The following NUP62CL variants were observed in gnomAD, a reference collection of about 807,000 sequenced individuals.
NUP62CL encodes the protein nucleoporin-62 C-terminal-like protein.
A neutral mutation model predicts 15.3 loss-of-function variants in NUP62CL; 13 were observed. The observed-to-expected ratio is 0.85, with a 90% CI of 0.55 to 1.35. NUP62CL has a LOEUF of 1.35. Ranked by LOEUF, NUP62CL falls within the 40% of genes most tolerant of loss-of-function variation. The pLI is 0.00. For synonymous variants in NUP62CL, 54 were observed against 49.2 expected (o/e 1.10, Z -0.41); for missense variants, 123 against 130.6 (o/e 0.94, Z 0.28).
chrX:107,203,615 CAG>C (rs1927538366), intron 1 of NUP62CL, among the ~76,000 whole-genome samples: 4 of 111,160 alleles, frequency 3.6e-5, no homozygotes, highest in Admixed American at 2.9e-4. Flanking sequence ...AAGTAAATTA[CAG>C]CCAACTCACT....
intron 4 of NUP62CL, among the ~76,000 whole-genome samples, chrX:107,156,376 C>T (rs1225757284): frequency 2.0e-5 from 2 of 101,256 alleles, no homozygotes; most frequent in African/African-American, 3.7e-5. Flanking sequence ...ACTTAAATGT[C>T]CCTGTCTGAC....
intron 1 of NUP62CL, among the ~76,000 whole-genome samples, chrX:107,200,963 A>G: frequency 9.0e-6 from 1 of 111,564 alleles, no homozygotes; most frequent in Non-Finnish European, 1.9e-5. Context: ...AATGATAATC[A>G]TAAAAACCTT....
chrX:107,197,193 AT>A (rs1201354625), intron 1 of NUP62CL, among the ~76,000 whole-genome samples: 1 of 111,110 alleles, frequency 9.0e-6, no homozygotes, highest in African/African-American at 3.3e-5. Flanking sequence ...TATTCTCTTA[AT>A]TTTTCCCAGG....
chrX:107,200,689 G>A (rs1927462744), intron 1 of NUP62CL, among the ~76,000 whole-genome samples: 1 of 108,612 alleles, frequency 9.2e-6, no homozygotes, highest in African/African-American at 3.4e-5. Context: ...GGATGGCAGA[G>A]TGTATGTGTG....
chrX:107,133,335 C>CT (rs560078535), intron 8 of NUP62CL, among the ~76,000 whole-genome samples: 2,490 of 104,734 alleles, frequency 0.024, 97 homozygotes, highest in African/African-American at 0.081. Context: ...AGATCGATAA[C>CT]TTTTTTTTTT....
At chrX:107,148,753 T>G (rs893150875) in intron 7 of NUP62CL, among the ~76,000 whole-genome samples, 4 of 110,895 alleles carry the variant, frequency 3.6e-5, no homozygotes, top group African/African-American at 1.3e-4. Context: ...AATAAAACTT[T>G]TAGACATTAG....
At chrX:107,162,694 C>T (rs767280609) in intron 4 of NUP62CL, among the ~76,000 whole-genome samples, 1 of 111,873 alleles carries the variant, frequency 8.9e-6, no homozygotes, top group African/African-American at 3.3e-5. Flanking sequence ...AGTAAACCTA[C>T]CCTTGAAGAT....
chrX:107,192,140 G>A (rs1345850103), intron 2 of NUP62CL, among the ~76,000 whole-genome samples: 1 of 111,771 alleles, frequency 8.9e-6, no homozygotes, highest in Non-Finnish European at 1.9e-5. Flanking sequence ...AGATGCATGA[G>A]GGAAAACTAT....
chrX:107,200,615 T>C (rs2147819299), intron 1 of NUP62CL, among the ~76,000 whole-genome samples: 1 of 101,118 alleles, frequency 9.9e-6, no homozygotes, highest in East Asian at 3.2e-4. Flanking sequence ...CGAGATTCCG[T>C]CTCAAAAAAA....
chrX:107,137,149 A>G (rs1925660881), intron 8 of NUP62CL, among the ~76,000 whole-genome samples: 1 of 112,255 alleles, frequency 8.9e-6, no homozygotes, highest in Non-Finnish European at 1.9e-5. Flanking sequence ...GATTATGTCA[A>G]TTGCTACAGA....
At chrX:107,133,107 G>C in intron 8 of NUP62CL, among the ~76,000 whole-genome samples, 1 of 111,444 alleles carries the variant, frequency 9.0e-6, no homozygotes, top group Non-Finnish European at 1.9e-5. Flanking sequence ...TGTTAGCTGA[G>C]GGTCATTTCT....
In NUP62CL at chrX:107,160,596, G is replaced by A. The variant is rs753008569; in HGVS notation, c.195-6350C>T. On this transcript the variant is annotated intron_variant, in intron 4 of 8. Coordinates refer to ENST00000372466, the MANE Select transcript of NUP62CL (RefSeq NM_017681.3). ...TAGCCATATGTAGAAAGCTGAAACC[G>A]GATCCCTTCCTTACACCTTATACAA... Among the ~76,000 whole-genome samples the A allele has an allele frequency of 3.6e-5, 4 of 111,319 alleles. 1 individual carries two copies. The highest frequency in any genetic ancestry group is 2.8e-4 in the East Asian group (1 of 3,552).
At chrX:107,198,321 A>G (rs944243920) in intron 1 of NUP62CL, among the ~76,000 whole-genome samples, 12 of 112,069 alleles carry the variant, frequency 1.1e-4, no homozygotes, top group African/African-American at 3.9e-4. Context: ...TCAGCACTCT[A>G]TAAAATGGAA....
At chrX:107,177,150 AC>A (rs1248957078) in intron 2 of NUP62CL, among the ~76,000 whole-genome samples, 1 of 112,126 alleles carries the variant, frequency 8.9e-6, no homozygotes, top group African/African-American at 3.2e-5. Context: ...AAAAATAATT[AC>A]ATTTCTCTAT....
At chrX:107,150,526 C>G (rs186098523) in intron 7 of NUP62CL, among the ~76,000 whole-genome samples, 3,550 of 112,189 alleles carry the variant, frequency 0.032, 150 homozygotes, top group African/African-American at 0.11. Flanking sequence ...GAGACAGGAT[C>G]TCACTCTGTC....
At chrX:107,173,372 C>T (rs1172242199) in intron 3 of NUP62CL, among the ~76,000 whole-genome samples, 1 of 111,869 alleles carries the variant, frequency 8.9e-6, no homozygotes, top group Non-Finnish European at 1.9e-5. Context: ...TTACACAATT[C>T]GATAAACTTA....
intron 8 of NUP62CL, among the ~76,000 whole-genome samples, chrX:107,125,881 C>T (rs888154224): frequency 2.7e-4 from 30 of 111,917 alleles, no homozygotes; most frequent in African/African-American, 9.4e-4. Flanking sequence ...TTACTATTAG[C>T]ATTTTGTCAT....
intron 7 of NUP62CL, among the ~76,000 whole-genome samples, chrX:107,152,099 G>GATATATATAT (rs746505025): frequency 2.6e-5 from 1 of 38,850 alleles, no homozygotes; most frequent in Non-Finnish European, 4.0e-5. Context: ...TATATATTCA[G>GATATATATAT]ATATATATAT....
At chrX:107,155,031 C>T (rs1402551772) in intron 4 of NUP62CL, among the ~76,000 whole-genome samples, 2 of 111,704 alleles carry the variant, frequency 1.8e-5, no homozygotes, top group South Asian at 3.8e-4. Flanking sequence ...AATCTCTATA[C>T]CCACCCAGCA....
Sources: allele counts gnomAD v4.1 joint callset (sites outside exome capture counted in the v4.1 genomes callset), GRCh38; gene constraint gnomAD v4.1.1; transcripts MANE v1.5; gene names NCBI Gene and HGNC (gene_info 2026-07-23, HGNC 2026-07-21).